The following TENM3 variants were observed in gnomAD, a reference collection of about 807,000 sequenced individuals.
TENM3 encodes teneurin-3.
A neutral mutation model predicts 255.1 loss-of-function variants in TENM3; 63 were observed. The ratio of observed to expected loss-of-function variants is 0.25; its 90% CI spans 0.20 to 0.30. The LOEUF (loss-of-function observed/expected upper bound fraction) is 0.30. Ranked by LOEUF, TENM3 falls within the 10% of genes least tolerant of loss-of-function variation. The pLI, the probability that TENM3 is intolerant of heterozygous loss-of-function variation, is 1.00. For synonymous variants in TENM3, 1,306 were observed against 1,322.3 expected, an observed-to-expected ratio of 0.99 and a Z score of 0.27; for missense variants, 2,929 against 3,461.1, an observed-to-expected ratio of 0.85 and a Z score of 3.86.
intron 3 of TENM3, among the ~76,000 whole-genome samples, chr4:182,585,875 G>A (rs1745971465): frequency 6.6e-6 from 1 of 152,172 alleles, no homozygotes; most frequent in Non-Finnish European, 1.5e-5. Flanking sequence ...CCTTTATGTT[G>A]AGAGGAAGGT....
chr4:181,476,647 T>C, the TENM3 span, among the ~76,000 whole-genome samples: 1 of 152,196 alleles, frequency 6.6e-6, no homozygotes, highest in African/African-American at 2.4e-5. Flanking sequence ...GAGAATTATG[T>C]GCTAAGCTTA....
rs373384783 is a variant in TENM3 at position 182,772,651 on chromosome 4, ATGT to A, written c.4893-817_4893-815del. ...CACAAAAATTCAATTCTTCAGTCAA[ATGT>A]TGTATCTATGATGCATATTTATGAG... On this transcript the variant is annotated intron_variant, in intron 22 of 27. Transcript: ENST00000511685. The A allele has an allele frequency of 7.9e-5, 12 of 152,232 alleles. No individual in the cohort carries two copies. The East Asian group carries it at 1.7e-3, about 22-fold the overall frequency. 9.4% of individuals were successfully genotyped at this position (152,232 alleles called of 1,614,324 possible). A position where few individuals can be genotyped will look rare whatever the true frequency, so the allele number is the denominator to read the frequency against.
chr4:181,463,405 T>C, the TENM3 span, among the ~76,000 whole-genome samples: 1 of 152,354 alleles, frequency 6.6e-6, no homozygotes, highest in Admixed American at 6.5e-5. Context: ...TATGAGTATT[T>C]CCTATTCCAT....
chr4:182,459,765 T>A (rs1013997024), intron 3 of TENM3, among the ~76,000 whole-genome samples: 8 of 152,186 alleles, frequency 5.3e-5, no homozygotes, highest in African/African-American at 1.9e-4. Flanking sequence ...AATACTTATT[T>A]ATCTATTAAT....
intron 3 of TENM3, among the ~76,000 whole-genome samples, chr4:182,451,010 A>G (rs1773411170): frequency 6.6e-6 from 1 of 152,182 alleles, no homozygotes; most frequent in African/African-American, 2.4e-5. Context: ...TTTCCAGAGT[A>G]TGACATGGCA....
At chr4:181,983,341 A>G in the TENM3 span, among the ~76,000 whole-genome samples, 644 of 152,282 alleles carry the variant, frequency 4.2e-3, 19 homozygotes, top group South Asian at 0.06. Context: ...GAGAACACAT[A>G]GAATTCCAGA....
the TENM3 span, among the ~76,000 whole-genome samples, chr4:181,640,878 C>T: frequency 2.2e-4 from 34 of 152,200 alleles, no homozygotes; most frequent in African/African-American, 8.0e-4. Flanking sequence ...ATTTCTTTGA[C>T]TAGTTTTTGG....
At chr4:182,267,112 C>T (rs1335983582) in intron 1 of TENM3, among the ~76,000 whole-genome samples, 2 of 152,166 alleles carry the variant, frequency 1.3e-5, no homozygotes, top group Admixed American at 6.5e-5. Context: ...ACTACATGGA[C>T]TAAACTGATG....
At chr4:182,076,983 G>T in the TENM3 span, among the ~76,000 whole-genome samples, 1 of 152,108 alleles carries the variant, frequency 6.6e-6, no homozygotes, top group African/African-American at 2.4e-5. Context: ...TTCATTAGAG[G>T]ATAAATCCCT....
chr4:182,139,783 G>A (rs1288743593), upstream of TENM3, among the ~76,000 whole-genome samples: 1 of 152,220 alleles, frequency 6.6e-6, no homozygotes, highest in South Asian at 2.1e-4. Flanking sequence ...GCCCCTGGGT[G>A]GTGCTACGCA....
intron 3 of TENM3, among the ~76,000 whole-genome samples, chr4:182,520,066 T>C (rs1738409160): frequency 6.6e-6 from 1 of 152,104 alleles, no homozygotes; most frequent in African/African-American, 2.4e-5. Context: ...TAGGTATGTA[T>C]AGAATTAAGC....
the TENM3 span, among the ~76,000 whole-genome samples, chr4:181,526,280 A>G: frequency 6.6e-6 from 1 of 151,648 alleles, no homozygotes; most frequent in Non-Finnish European, 1.5e-5. Flanking sequence ...AAAAAAAAAA[A>G]CCAGCAAAGT....
chr4:182,243,190 T>C (rs983913242), upstream of TENM3, among the ~76,000 whole-genome samples: 2 of 152,128 alleles, frequency 1.3e-5, no homozygotes, highest in African/African-American at 4.8e-5. Flanking sequence ...TCTTGGCGCA[T>C]TGAGACTTCC....
At chr4:182,052,797 G>A in the TENM3 span, among the ~76,000 whole-genome samples, 5 of 151,342 alleles carry the variant, frequency 3.3e-5, no homozygotes, top group African/African-American at 9.7e-5. Context: ...GTAAGTCAAG[G>A]ATGAGAATAT....
chr4:182,425,141 T>C (rs1451120267), intron 3 of TENM3, among the ~76,000 whole-genome samples: 1 of 152,230 alleles, frequency 6.6e-6, no homozygotes, highest in Non-Finnish European at 1.5e-5. Context: ...CTCTTTACTT[T>C]TCACTCCATC....
the TENM3 span, among the ~76,000 whole-genome samples, chr4:182,053,989 A>G: frequency 6.6e-6 from 1 of 152,176 alleles, no homozygotes; most frequent in Non-Finnish European, 1.5e-5. Flanking sequence ...GGTTGAAGAC[A>G]TAAGATGATC....
At chr4:182,386,477 C>T (rs903205386) in intron 3 of TENM3, among the ~76,000 whole-genome samples, 17 of 152,240 alleles carry the variant, frequency 1.1e-4, no homozygotes, top group African/African-American at 2.9e-4. Context: ...AGGAGCCCTT[C>T]GGCCTGCCAC....
At chr4:182,696,442 TG>T (rs1757418334) in intron 12 of TENM3, among the ~76,000 whole-genome samples, 1 of 152,082 alleles carries the variant, frequency 6.6e-6, no homozygotes, top group African/African-American at 2.4e-5. Context: ...AAAATGGATA[TG>T]GGGCCGGGCA....
chr4:182,287,821 A>G (rs144131976), intron 1 of TENM3, among the ~76,000 whole-genome samples: 4,273 of 151,810 alleles, frequency 0.028, 196 homozygotes, highest in African/African-American at 0.097. Flanking sequence ...GTTTCACCAT[A>G]TTGGCCAGGC....
Sources: gnomAD v4.1 joint callset for allele counts (sites outside exome capture counted in the v4.1 genomes callset) on GRCh38, gnomAD v4.1.1 for gene constraint, MANE v1.5 for transcripts, NCBI Gene and HGNC (gene_info 2026-07-23, HGNC 2026-07-21) for gene names.